Variants in GRID2 observed in about 807,000 individuals in gnomAD.
The protein encoded by GRID2 is glutamate ionotropic receptor delta type subunit 2, also known as glutamate receptor ionotropic, delta-2.
GRID2 carries 33 observed loss-of-function variants against 114.8 expected under a neutral mutation model. That is an observed-to-expected ratio of 0.29 (90% confidence interval 0.22 to 0.38). GRID2 has a LOEUF of 0.38. GRID2 is among the 10% of genes least tolerant of loss of function. GRID2 has a pLI of 1.00. For missense variants in GRID2, 1,184 were observed against 1,257.7 expected (o/e 0.94, Z 0.89); for synonymous variants, 505 against 449.9 (o/e 1.12, Z -1.55).
chr4:93,385,237 A>T (rs1764207995), intron 8 of GRID2, among the ~76,000 whole-genome samples: 1 of 152,200 alleles, frequency 6.6e-6, no homozygotes, highest in South Asian at 2.1e-4. Flanking sequence ...AGATAAACTG[A>T]TTGCAATGGT....
intron 8 of GRID2, among the ~76,000 whole-genome samples, chr4:93,356,118 A>G (rs1318763926): frequency 1.3e-5 from 2 of 152,126 alleles, no homozygotes; most frequent in Non-Finnish European, 2.9e-5. Flanking sequence ...TAAAACCCGT[A>G]TAAATATAAA....
chr4:93,769,188 T>A (rs768537608), intron 14 of GRID2, 22 bp from the exon 15 acceptor site: 4 of 1,612,524 alleles, frequency 2.5e-6, no homozygotes, highest in South Asian at 1.1e-5. Flanking sequence ...TAATAACACA[T>A]GCTTATGTTC....
rs537077044 is a variant in GRID2, at chr4:93,257,700, G to A, written c.1245+19210G>A. Among the ~76,000 whole-genome samples the A allele has an allele frequency of 4.0e-5, 6 of 150,964 alleles. No individual in the cohort carries two copies. The South Asian group carries it at 1.3e-3, about 32-fold the overall frequency. ...ATGTCAAATACCTTCCTTTAATTTT[G>A]ACAGCATTTTATGAATTATCTTTCT... On this transcript the variant is annotated intron_variant, in intron 8 of 15. Coordinates refer to ENST00000282020, the MANE Select transcript of GRID2 (RefSeq NM_001510.4).
At chr4:93,283,241 G>A (rs1050794356) in intron 8 of GRID2, among the ~76,000 whole-genome samples, 4 of 152,004 alleles carry the variant, frequency 2.6e-5, no homozygotes, top group African/African-American at 9.7e-5. Context: ...TAAATGTTAT[G>A]TACTGTTTCA....
At chr4:93,022,567 A>G (rs1297045893) in intron 2 of GRID2, among the ~76,000 whole-genome samples, 1 of 152,148 alleles carries the variant, frequency 6.6e-6, no homozygotes, top group East Asian at 1.9e-4. Context: ...TAAAGAAACT[A>G]CATTTTGAAT....
At chr4:93,554,601 T>A (rs1315110464) in intron 13 of GRID2, among the ~76,000 whole-genome samples, 2 of 152,096 alleles carry the variant, frequency 1.3e-5, no homozygotes, top group Non-Finnish European at 2.9e-5. Context: ...CAGACACACA[T>A]ACATATTTTC....
chr4:93,480,374 T>G (rs892699275), intron 11 of GRID2, among the ~76,000 whole-genome samples: 1 of 152,078 alleles, frequency 6.6e-6, no homozygotes, highest in Non-Finnish European at 1.5e-5. Flanking sequence ...GATAAGAGGT[T>G]CCAAATTCCC....
chr4:93,649,390 T>A (rs1722388996), intron 14 of GRID2, among the ~76,000 whole-genome samples: 1 of 152,146 alleles, frequency 6.6e-6, no homozygotes, highest in South Asian at 2.1e-4. Context: ...AAGTTTCATT[T>A]ATTTTTTTCT....
intron 2 of GRID2, among the ~76,000 whole-genome samples, chr4:93,051,498 A>T (rs975552050): frequency 6.6e-6 from 1 of 152,026 alleles, no homozygotes; most frequent in Non-Finnish European, 1.5e-5. Context: ...TGCTCTCTTC[A>T]TCAAGTGTGC....
intron 1 of GRID2, among the ~76,000 whole-genome samples, chr4:92,355,110 T>C (rs1351174673): frequency 3.3e-5 from 5 of 151,944 alleles, no homozygotes; most frequent in Admixed American, 6.6e-5. Context: ...TATATGATGC[T>C]GTTTTTTGAA....
At chr4:93,135,223 C>T (rs1454151595) in intron 4 of GRID2, among the ~76,000 whole-genome samples, 1 of 152,106 alleles carries the variant, frequency 6.6e-6, no homozygotes, top group Admixed American at 6.5e-5. Flanking sequence ...TATTCCTGAA[C>T]AATAGGAGGC....
At chr4:93,631,477 G>C (rs964038162) in intron 14 of GRID2, among the ~76,000 whole-genome samples, 6 of 152,048 alleles carry the variant, frequency 3.9e-5, no homozygotes. Flanking sequence ...TTGGTTTTTT[G>C]TCTTTGCAAT....
chr4:93,194,866 G>T (rs548767050), intron 4 of GRID2, among the ~76,000 whole-genome samples: 4 of 152,206 alleles, frequency 2.6e-5, no homozygotes, highest in African/African-American at 9.6e-5. Context: ...ATTGGGGTAG[G>T]CCCAGCAATC....
chr4:92,590,933 A>G (rs1485476852), intron 2 of GRID2, among the ~76,000 whole-genome samples: 2 of 152,184 alleles, frequency 1.3e-5, no homozygotes, highest in African/African-American at 4.8e-5. Flanking sequence ...TGATTGAAAG[A>G]TCCTAGAAAA....
At chr4:92,501,609 C>G (rs1421323586) in intron 1 of GRID2, among the ~76,000 whole-genome samples, 3 of 152,144 alleles carry the variant, frequency 2.0e-5, no homozygotes, top group Admixed American at 6.5e-5. Context: ...TTAGTAACCT[C>G]TCTGATGCAG....
At chr4:93,704,824 G>A (rs1727849107) in intron 14 of GRID2, among the ~76,000 whole-genome samples, 1 of 152,088 alleles carries the variant, frequency 6.6e-6, no homozygotes, top group African/African-American at 2.4e-5. Flanking sequence ...TTGTGTATAT[G>A]TAACACATTT....
At chr4:92,990,305 ATGTGTG>A (rs760078503) in intron 2 of GRID2, among the ~76,000 whole-genome samples, 2 of 71,476 alleles carry the variant, frequency 2.8e-5, no homozygotes, top group South Asian at 9.6e-4. Flanking sequence ...ATATATATAT[ATGTGTG>A]TGTGTGTGTG....
At chr4:92,491,352 T>C (rs1054756986) in intron 1 of GRID2, among the ~76,000 whole-genome samples, 1 of 152,150 alleles carries the variant, frequency 6.6e-6, no homozygotes, top group Non-Finnish European at 1.5e-5. Flanking sequence ...GGTCCTGTTT[T>C]GTGCTGGATA....
At chr4:93,124,113 AAAAG>A (rs1356460068) in intron 4 of GRID2, among the ~76,000 whole-genome samples, 23 of 98,142 alleles carry the variant, frequency 2.3e-4, no homozygotes, top group Admixed American at 1.2e-4. Flanking sequence ...TAATAAAAAA[AAAAG>A]AAAAAAAAAA....
Sources: allele counts gnomAD v4.1 joint callset (sites outside exome capture counted in the v4.1 genomes callset), GRCh38; gene constraint gnomAD v4.1.1; transcripts MANE v1.5; gene names NCBI Gene and HGNC (gene_info 2026-07-23, HGNC 2026-07-21).